TBC1D1: variants seen among roughly 807,000 people sequenced by gnomAD.
The protein encoded by TBC1D1 is TBC1 (tre-2/USP6, BUB2, cdc16) domain family, member 1.
In TBC1D1, 89 loss-of-function variants were observed where a neutral mutation model predicts 125.6. The ratio of observed to expected loss-of-function variants is 0.71; its 90% CI spans 0.60 to 0.85. The LOEUF is 0.85. TBC1D1 is among the 40% of genes least tolerant of loss of function. TBC1D1 has a pLI of 0.00. For synonymous variants in TBC1D1, 565 were observed against 564.1 expected, an observed-to-expected ratio of 1.00 and a Z score of -0.02; for missense variants, 1,377 against 1,469.2, an observed-to-expected ratio of 0.94 and a Z score of 1.03.
rs920294208 is a variant in TBC1D1, at chr4:38,043,660, C to T, written c.1414-702C>T. Among the ~76,000 whole-genome samples the T allele has an allele frequency of 3.3e-5, 5 of 151,412 alleles. No homozygotes were observed. In the East Asian group the frequency reaches 9.7e-4, roughly 29 times the overall value. On this transcript the variant is annotated intron_variant, in intron 8 of 19. Transcript: ENST00000261439. ...CTTCATTTAGTGGTTGTCAAGCAAA[C>T]TCCATTGTATTTTTATTTTCAGTTT...
rs562990690 is a variant in TBC1D1 at position 38,001,134 on chromosome 4, G to A, written c.418-13375G>A. Among the ~76,000 whole-genome samples the A allele has an allele frequency of 1.2e-3, 186 of 152,102 alleles. 2 individuals carry two copies. Among genetic ancestry groups the A allele is most frequent in the African/African-American group, 4.1e-3 (169 of 41,484 alleles). On this transcript the variant is annotated intron_variant, in intron 2 of 19. Coordinates refer to ENST00000261439, the MANE Select transcript of TBC1D1 (RefSeq NM_015173.4). ...AATCGGGAGGCTGAGGCAGGAGAAC[G>A]GCGTGAACCTGGGAGTCAGAGCTTG...
At chr4:38,118,272 T>C in intron 17 of TBC1D1, 80 bp downstream of exon 19, 1 of 1,499,244 alleles carries the variant, frequency 6.7e-7, no homozygotes, top group Non-Finnish European at 9.2e-7. Context: ...CCGTGGTGAT[T>C]CTTATTTTTA....
At chr4:38,022,140 A>G (rs1744171365) in intron 6 of TBC1D1, among the ~76,000 whole-genome samples, 1 of 152,216 alleles carries the variant, frequency 6.6e-6, no homozygotes, top group South Asian at 2.1e-4. Context: ...TACAGTTTGG[A>G]TGGAGAGGAG....
chr4:37,962,257 A>C (rs1181003782), intron 2 of TBC1D1, among the ~76,000 whole-genome samples: 3 of 152,342 alleles, frequency 2.0e-5, no homozygotes. Context: ...TGTCCTCTTC[A>C]CCAGAAGAAC....
chr4:38,076,740 A>G (rs1350324908), intron 12 of TBC1D1, among the ~76,000 whole-genome samples: 1 of 152,094 alleles, frequency 6.6e-6, no homozygotes, highest in Non-Finnish European at 1.5e-5. Flanking sequence ...AAATATATAG[A>G]TAGATATATT....
At chr4:38,082,130 A>G (rs1290368208) in intron 12 of TBC1D1, among the ~76,000 whole-genome samples, 1 of 152,208 alleles carries the variant, frequency 6.6e-6, no homozygotes, top group East Asian at 1.9e-4. Flanking sequence ...AGTTGAGCTA[A>G]GTCATTTTCC....
At chr4:38,090,512 T>C (rs1353520503) in intron 13 of TBC1D1, among the ~76,000 whole-genome samples, 1 of 152,200 alleles carries the variant, frequency 6.6e-6, no homozygotes, top group Non-Finnish European at 1.5e-5. Flanking sequence ...CTTGTGTAAG[T>C]CATTAACATA....
chr4:37,913,939 A>T (rs1337019705), intron 2 of TBC1D1, among the ~76,000 whole-genome samples: 2 of 151,838 alleles, frequency 1.3e-5, no homozygotes, highest in African/African-American at 4.8e-5. Context: ...AGCTTTTGTC[A>T]TAGTTTGGCA....
At chr4:38,044,602 AC>A in intron 9 of TBC1D1, 112 bp downstream of exon 9, 2 of 1,160,410 alleles carry the variant, frequency 1.7e-6, no homozygotes, top group Non-Finnish European at 2.3e-6. Flanking sequence ...AAAGTATAAA[AC>A]CTTTTTTTAT....
rs1479406723 is a variant in TBC1D1, at chr4:37,977,239, C to T, written c.418-37270C>T. On this transcript the variant is annotated intron_variant, in intron 2 of 19. Transcript: ENST00000261439. This position sits in a 1 kb window ranked among gnomAD's most constrained non-coding sequence, Gnocchi z 4.3. The stretch of plus-strand genomic sequence containing the variant: ...CGGGGTCGGCTGCGCGCCCTCCCCT[C>T]CTCTCCCCTCCTCCCCCCGCCCACC... The T allele has an allele frequency of 4.7e-5, 7 of 149,058 alleles. No individual in the cohort carries two copies. In the East Asian group the frequency reaches 1.4e-3, roughly 30 times the overall value. 9.2% of individuals were successfully genotyped at this position (149,058 alleles called of 1,614,324 possible).
intron 10 of TBC1D1, among the ~76,000 whole-genome samples, chr4:38,048,875 G>A (rs974263087): frequency 5.3e-5 from 8 of 152,064 alleles, no homozygotes; most frequent in African/African-American, 1.9e-4. Context: ...TTAAAATATT[G>A]TCATGATTCT....
chr4:38,067,561 G>A (rs934774136), intron 12 of TBC1D1, among the ~76,000 whole-genome samples: 8 of 152,202 alleles, frequency 5.3e-5, no homozygotes, highest in African/African-American at 1.9e-4. Context: ...GCCTGGCAAG[G>A]ATTCAGATTG....
chr4:38,076,699 G>A (rs1755647804), intron 12 of TBC1D1, among the ~76,000 whole-genome samples: 1 of 152,000 alleles, frequency 6.6e-6, no homozygotes, highest in Admixed American at 6.6e-5. Flanking sequence ...TAGGGAGGTA[G>A]GATTATAGGT....
intron 14 of TBC1D1, among the ~76,000 whole-genome samples, chr4:38,100,845 A>G (rs1175430432): frequency 2.0e-5 from 3 of 152,178 alleles, no homozygotes; most frequent in Non-Finnish European, 4.4e-5. Flanking sequence ...ACAGATGGTT[A>G]TTTTATCATT....
At chr4:38,063,164 T>C (rs893598674) in intron 12 of TBC1D1, among the ~76,000 whole-genome samples, 1 of 152,206 alleles carries the variant, frequency 6.6e-6, no homozygotes, top group Non-Finnish European at 1.5e-5. Flanking sequence ...TTTGAAAATA[T>C]TTCCAGGTGG....
intron 18 of TBC1D1, 128 bp downstream of exon 20, chr4:38,125,259 A>T: frequency 1.2e-6 from 1 of 828,234 alleles, no homozygotes; most frequent in South Asian, 1.8e-5. Flanking sequence ...GATGCCTGGC[A>T]TGGAGGAGGC....
chr4:37,924,939 C>T (rs1721750225), intron 2 of TBC1D1, among the ~76,000 whole-genome samples: 1 of 152,176 alleles, frequency 6.6e-6, no homozygotes. Flanking sequence ...ATTTTATGCG[C>T]ATTATTTTAT....
intron 2 of TBC1D1, among the ~76,000 whole-genome samples, chr4:37,948,282 T>C (rs1727132412): frequency 6.6e-6 from 1 of 152,310 alleles, no homozygotes; most frequent in Non-Finnish European, 1.5e-5. Context: ...TTGTATCAAG[T>C]ACAGGAACTT....
intron 12 of TBC1D1, among the ~76,000 whole-genome samples, chr4:38,073,378 T>C (rs1380938856): frequency 6.6e-6 from 1 of 152,180 alleles, no homozygotes; most frequent in African/African-American, 2.4e-5. Flanking sequence ...TCCTTTGGAG[T>C]GGTAAATATG....
Sources: gnomAD v4.1 joint callset for allele counts (sites outside exome capture counted in the v4.1 genomes callset) on GRCh38, gnomAD v4.1.1 for gene constraint, Gnocchi (gnomAD v3.1) non-coding constraint, MANE v1.5 for transcripts, NCBI Gene and HGNC (gene_info 2026-07-23, HGNC 2026-07-21) for gene names.